SNX29: variants seen among roughly 807,000 people sequenced by gnomAD.
SNX29 encodes sorting nexin-29.
A neutral mutation model predicts 102.1 loss-of-function variants in SNX29; 78 were observed. The ratio of observed to expected loss-of-function variants is 0.76; its 90% confidence interval spans 0.64 to 0.92. The LOEUF is 0.92. Among genes scored for constraint, SNX29 ranks in the 40% least tolerant of loss-of-function variants. SNX29 has a pLI of 0.00. For synonymous variants in SNX29, 580 were observed against 414.5 expected, an observed-to-expected ratio of 1.40 and a Z score of -4.85; for missense variants, 1,280 against 1,061.7, an observed-to-expected ratio of 1.21 and a Z score of -2.86.
Position 12,540,629 on chromosome 16 carries a change from A to G in SNX29, c.2318+15788A>G, listed in dbSNP as rs111828553. On this transcript the variant is annotated intron_variant, in intron 20 of 20. Coordinates refer to ENST00000566228, the MANE Select transcript of SNX29 (RefSeq NM_032167.5). ...TCCATGGGGTGGACCTAAAGAGTCCAGGATCATCTCCCCATCTCAAAAGCC... is the reference window on the plus strand; with the variant it reads ...TCCATGGGGTGGACCTAAAGAGTCCGGGATCATCTCCCCATCTCAAAAGCC... Among the ~76,000 whole-genome samples the G allele has an allele frequency of 7.6e-4, 116 of 152,324 alleles. 1 individual carries two copies. In the Middle Eastern group the frequency reaches 0.01, roughly 13 times the overall value.
At chr16:12,293,813 T>C (rs2079884687) in intron 15 of SNX29, among the ~76,000 whole-genome samples, 1 of 152,260 alleles carries the variant, frequency 6.6e-6, no homozygotes, top group African/African-American at 2.4e-5. Context: ...TCTTTCTCAA[T>C]GATTGTTAAA....
chr16:12,331,451 G>A (rs960777557), intron 15 of SNX29, among the ~76,000 whole-genome samples: 5 of 152,168 alleles, frequency 3.3e-5, no homozygotes, highest in Non-Finnish European at 7.3e-5. Flanking sequence ...GAGAGCATGA[G>A]GTGTTGTATC....
At chr16:12,417,583 C>CTCATTCCTTTTCCCTATTCCTCA (rs1567542351) in intron 18 of SNX29, among the ~76,000 whole-genome samples, 6 of 152,046 alleles carry the variant, frequency 3.9e-5, no homozygotes, top group African/African-American at 1.4e-4. Context: ...CCTCCTCCTT[C>CTCATTCCTTTTCCCTATTCCTCA]TCATTCCTTT....
chr16:12,018,683 T>C (rs1167124904), intron 3 of SNX29, among the ~76,000 whole-genome samples: 2 of 152,056 alleles, frequency 1.3e-5, no homozygotes, highest in South Asian at 2.1e-4. Context: ...TTTAATGTTA[T>C]GGTGTCTTTG....
intron 16 of SNX29, chr16:12,373,630 T>C (rs2151389948): frequency 6.6e-6 from 1 of 152,352 alleles, no homozygotes; most frequent in South Asian, 2.1e-4. Flanking sequence ...GTTTATTTGC[T>C]CTCTCCTTTG....
At chr16:12,344,550 A>ATG (rs1195246189) in intron 15 of SNX29, among the ~76,000 whole-genome samples, 5 of 152,224 alleles carry the variant, frequency 3.3e-5, no homozygotes, top group African/African-American at 1.2e-4. Context: ...AAATGAATGA[A>ATG]AGAATCTGAG....
At chr16:12,564,100 C>T (rs1052533858) in intron 20 of SNX29, among the ~76,000 whole-genome samples, 1 of 152,164 alleles carries the variant, frequency 6.6e-6, no homozygotes, top group African/African-American at 2.4e-5. Flanking sequence ...TTTGTAAAAT[C>T]CTCCTTGATT....
rs534282898 is a variant in SNX29 at position 12,395,829 on chromosome 16, C to A, written c.1900-2617C>A. 2.0e-5 allele frequency among the ~76,000 whole-genome samples: 3 copies of A among 152,340 alleles called. No individual in the cohort carries two copies. In the East Asian group the frequency reaches 5.8e-4, roughly 29 times the overall value. On this transcript the variant is annotated intron_variant, in intron 16 of 20. Transcript: ENST00000566228. ...AAAATAGAATCAGCTCTCTAAAGGG[C>A]TGCTGTCAAGTCTAGCTAATATCTG...
chr16:12,038,463 T>C (rs961665647), intron 4 of SNX29, among the ~76,000 whole-genome samples: 7 of 152,310 alleles, frequency 4.6e-5, no homozygotes, highest in African/African-American at 7.2e-5. Context: ...TTCAGGTGTT[T>C]GGAGAACCAG....
At chr16:12,200,229 C>CTAT (rs777379951) in intron 14 of SNX29, among the ~76,000 whole-genome samples, 6 of 152,070 alleles carry the variant, frequency 3.9e-5, no homozygotes, top group South Asian at 2.1e-4. Flanking sequence ...TAAATTTTAG[C>CTAT]TATTATTATT....
intron 15 of SNX29, among the ~76,000 whole-genome samples, chr16:12,313,841 C>G (rs1418827778): frequency 6.6e-6 from 1 of 152,232 alleles, no homozygotes; most frequent in Non-Finnish European, 1.5e-5. Context: ...ACAATGGCTT[C>G]CTATAACATA....
At chr16:12,196,615 CTTTTTTCTTTTTTTTT>C (rs1191925593) in intron 13 of SNX29, among the ~76,000 whole-genome samples, 2 of 116,384 alleles carry the variant, frequency 1.7e-5, no homozygotes, top group East Asian at 2.4e-4. Context: ...TTTCTTTTTT[CTTTTTTCTTTTTTTTT>C]TTTTTTTGGA....
intron 19 of SNX29, among the ~76,000 whole-genome samples, chr16:12,483,155 C>T (rs962495189): frequency 8.4e-5 from 8 of 95,082 alleles, no homozygotes; most frequent in Non-Finnish European, 1.2e-4. Context: ...GAGACAGCAC[C>T]TGCCATCATG....
At chr16:12,383,857 G>GCCCTCCTCCCTCCA (rs1424220852) in intron 16 of SNX29, among the ~76,000 whole-genome samples, 25 of 132,030 alleles carry the variant, frequency 1.9e-4, no homozygotes, top group Non-Finnish European at 3.1e-4. Context: ...CCCTTCCTCC[G>GCCCTCCTCCCTCCA]CCCTCCTCCC....
At position 12,568,553 on chromosome 16, in the gene SNX29, C is replaced by T; in HGVS notation, c.2366C>T (p.Ala789Val). The change falls in exon 21 of 21, where the codon GCT (alanine) becomes GTT (valine). Residue 789 changes from alanine (A) to valine (V), a missense_variant. Transcript: ENST00000566228. The part of the protein sequence containing the change: ...GEPVNSRPKA[A>V]SRFPKLSRGQ... ...CCTGTGAACAGCCGGCCCAAAGCAGCTTCCCGCTTCCCCAAACTGTCCCGG... is the reference window on the plus strand; with the variant it reads ...CCTGTGAACAGCCGGCCCAAAGCAGTTTCCCGCTTCCCCAAACTGTCCCGG... The T allele has an allele frequency of 6.2e-7, 1 of 1,609,414 alleles. No homozygotes were observed. The highest frequency in any genetic ancestry group is 1.7e-5 in the Admixed American group (1 of 60,028).
At chr16:12,518,080 G>A (rs1241827887) in intron 19 of SNX29, among the ~76,000 whole-genome samples, 1 of 152,200 alleles carries the variant, frequency 6.6e-6, no homozygotes, top group Non-Finnish European at 1.5e-5. Context: ...CATGAGCCAC[G>A]CTAGTTTAGT....
At chr16:12,185,383 C>A (rs1239016794) in intron 13 of SNX29, among the ~76,000 whole-genome samples, 1 of 152,122 alleles carries the variant, frequency 6.6e-6, no homozygotes, top group Non-Finnish European at 1.5e-5. Flanking sequence ...TCAAGAGAAA[C>A]CTAGATTTTT....
intron 18 of SNX29, among the ~76,000 whole-genome samples, chr16:12,449,189 C>A (rs971374329): frequency 6.6e-6 from 1 of 151,890 alleles, no homozygotes; most frequent in Admixed American, 6.6e-5. Flanking sequence ...TAGTGATAGA[C>A]CTTGGTCTAG....
intron 10 of SNX29, among the ~76,000 whole-genome samples, chr16:12,072,395 C>G (rs1240662771): frequency 6.6e-6 from 1 of 152,140 alleles, no homozygotes; most frequent in Non-Finnish European, 1.5e-5. Flanking sequence ...TGAATTTTGT[C>G]AAAGGCCTTT....
Sources: gnomAD v4.1 joint callset for allele counts (sites outside exome capture counted in the v4.1 genomes callset) on GRCh38, gnomAD v4.1.1 for gene constraint, MANE v1.5 for transcripts, NCBI Gene and HGNC (gene_info 2026-07-23, HGNC 2026-07-21) for gene names.